Variants in CHD7 observed in about 807,000 individuals in gnomAD.
CHD7 encodes the protein ATP-dependent chromatin remodeler CHD7.
Under a neutral mutation model 307.3 loss-of-function variants are expected in CHD7, and 24 were observed. The observed-to-expected ratio is 0.08, with a 90% confidence interval of 0.06 to 0.11. The LOEUF is 0.11. Among genes scored for constraint, CHD7 ranks in the 10% least tolerant of loss-of-function variants. The probability of loss-of-function intolerance (pLI) is 1.00; values close to 1 mark genes in which losing one functional copy is unlikely to be tolerated. For missense variants in CHD7, 3,106 were observed against 3,727.1 expected, an observed-to-expected ratio of 0.83 and a Z score of 4.34; for synonymous variants, 1,363 against 1,349.9, an observed-to-expected ratio of 1.01 and a Z score of -0.21.
intron 2 of CHD7, among the ~76,000 whole-genome samples, chr8:60,752,113 C>T (rs1461534995): frequency 6.6e-6 from 1 of 152,098 alleles, no homozygotes; most frequent in Non-Finnish European, 1.5e-5. Flanking sequence ...TCATTCTGTA[C>T]CATAGGTTTC....
At chr8:60,680,676 T>G (rs1805578032) in intron 1 of CHD7, among the ~76,000 whole-genome samples, 1 of 152,198 alleles carries the variant, frequency 6.6e-6, no homozygotes, top group South Asian at 2.1e-4. Flanking sequence ...TTTTAGAGAC[T>G]GCTCACGCCT....
rs750511035 is a variant in CHD7 at position 60,741,879 on chromosome 8, T to C, written c.447T>C (p.Ala149=). The change falls in exon 2 of 38, where the codon GCT becomes GCC. Residue 149 remains alanine, a synonymous_variant. Transcript: ENST00000423902. ...GCAGCTCCATGTGGGGCCCCAGGGC[T>C]GTTCAGGTACCAGACCAGATACGAG... ...VDSSSMWGPR[A]VQVPDQIRAP... is the part of the protein sequence containing the mutation. 4.3e-6 allele frequency: 7 copies of C among 1,613,600 alleles called. No homozygotes were observed. The East Asian group carries it at 6.7e-5, about 15-fold the overall frequency.
At chr8:60,700,648 G>A (rs1308481798) in intron 1 of CHD7, among the ~76,000 whole-genome samples, 2 of 152,202 alleles carry the variant, frequency 1.3e-5, no homozygotes, top group African/African-American at 4.8e-5. Flanking sequence ...CAGTCACATG[G>A]TCTGTCAACA....
intron 9 of CHD7, 56 bp from the exon 10 acceptor site, chr8:60,821,734 A>G: frequency 6.9e-7 from 1 of 1,449,456 alleles, no homozygotes; most frequent in Non-Finnish European, 9.4e-7. Flanking sequence ...ATATATATGT[A>G]TATGTATGTA....
In CHD7 at chr8:60,841,888, C is replaced by A. The variant is rs1342840553; in HGVS notation, c.4686C>A (p.Thr1562=). The change falls in exon 21 of 38, where the codon ACC becomes ACA. Residue 1562 remains threonine (T), a synonymous_variant. Coordinates refer to ENST00000423902, the MANE Select transcript of CHD7 (RefSeq NM_017780.4). ...VIDTPRVRKQ[T]RLYSAVKEDE... is the part of the protein sequence containing the mutation. ...ATACTCCAAGAGTGAGAAAGCAGACCAGGCTCTACAGTGCAGTGAAGGAAG... is the reference window on the plus strand; with the variant it reads ...ATACTCCAAGAGTGAGAAAGCAGACAAGGCTCTACAGTGCAGTGAAGGAAG... 3 of 1,609,718 alleles carry A rather than the reference C, an allele frequency of 1.9e-6. No homozygotes were observed. Among genetic ancestry groups the A allele is most frequent in the Non-Finnish European group, 1.7e-6 (2 of 1,177,678 alleles).
In CHD7 at chr8:60,841,977, G is replaced by A. The variant is rs1388750390; in HGVS notation, c.4775G>A (p.Arg1592Gln). 3.1e-6 allele frequency: 5 copies of A among 1,613,728 alleles called. No homozygotes were observed. The highest frequency in any genetic ancestry group is 4.2e-6 in the Non-Finnish European group (5 of 1,179,792). Residue 1592 changes from arginine to glutamine, a missense_variant, in exon 21 of 38, where the codon CGG becomes CAG. By Grantham distance (43) the Arg-to-Gln change is conservative. Coordinates refer to ENST00000423902, the MANE Select transcript of CHD7 (RefSeq NM_017780.4). ...DSEEKPCAKPRRPQDKSQGYA... is the reference protein window; with the variant it reads ...DSEEKPCAKPQRPQDKSQGYA... ...GAAGAAAAGCCCTGTGCAAAGCCAC[G>A]GCGTCCCCAGGATAAGTCACAGGGC... is the stretch of plus-strand genomic sequence containing the variant.
chr8:60,788,954 A>G (rs1039139041), intron 3 of CHD7, among the ~76,000 whole-genome samples: 4 of 152,220 alleles, frequency 2.6e-5, no homozygotes, highest in Non-Finnish European at 5.9e-5. Context: ...TCTATGATGT[A>G]CCAGATTTTA....
At position 60,852,177 on chromosome 8, in the gene CHD7, C is replaced by A. The variant is rs200441929; in HGVS notation, c.5824C>A (p.Arg1942=). The A allele has an allele frequency of 2.5e-6, 4 of 1,613,868 alleles. No homozygotes were observed. The highest frequency in any genetic ancestry group is 1.7e-5 in the Admixed American group (1 of 60,020). Residue 1942 remains arginine, a synonymous_variant, in exon 29 of 38, where the codon CGG becomes AGG. Transcript: ENST00000423902. ...CCTAATGAAGACTGACCGGCGCAGA[C>A]GGCGGCCTCGAGAGGAAGTGAGAGC... ...EALMKTDRRR[R]RPREEVRALE...
chr8:60,696,899 A>C (rs1276273717), intron 1 of CHD7, among the ~76,000 whole-genome samples: 3 of 151,722 alleles, frequency 2.0e-5, no homozygotes, highest in African/African-American at 7.3e-5. Context: ...TTAATCTCAA[A>C]GAAATTTTGT....
At chr8:60,754,404 C>A (rs904975036) in intron 2 of CHD7, among the ~76,000 whole-genome samples, 2 of 152,136 alleles carry the variant, frequency 1.3e-5, no homozygotes, top group Non-Finnish European at 2.9e-5. Flanking sequence ...TGGTATATGC[C>A]CAATAAATGT....
chr8:60,749,370 C>CAAAAAAAA (rs55661758), intron 2 of CHD7, among the ~76,000 whole-genome samples: 2 of 56,296 alleles, frequency 3.6e-5, no homozygotes, highest in Admixed American at 3.2e-4. Context: ...GACTCTGTAT[C>CAAAAAAAA]AAAAAAAAAA....
chr8:60,860,831 T>G, intron 34 of CHD7, 73 bp from the exon 35 acceptor site: 2 of 1,112,316 alleles, frequency 1.8e-6, no homozygotes, highest in South Asian at 3.0e-5. Context: ...TAGGATAGCG[T>G]TTTCTTGAAA....
chr8:60,765,348 G>T (rs530415658), intron 2 of CHD7, among the ~76,000 whole-genome samples: 2 of 151,832 alleles, frequency 1.3e-5, no homozygotes, highest in Middle Eastern at 3.4e-3. Context: ...ACACACACAC[G>T]TATGTATATA....
At chr8:60,725,094 A>T (rs1175553398) in intron 1 of CHD7, among the ~76,000 whole-genome samples, 10 of 152,250 alleles carry the variant, frequency 6.6e-5, no homozygotes, top group Admixed American at 6.5e-4. Context: ...AGTCACAGCG[A>T]TAAGCCCTGG....
intron 2 of CHD7, among the ~76,000 whole-genome samples, chr8:60,756,012 C>T (rs1404670425): frequency 6.6e-6 from 1 of 152,204 alleles, no homozygotes; most frequent in Admixed American, 6.5e-5. Flanking sequence ...CAAATGGCTA[C>T]TGTACCCTTG....
chr8:60,761,298 C>T (rs949302336), intron 2 of CHD7, among the ~76,000 whole-genome samples: 2 of 132,436 alleles, frequency 1.5e-5, no homozygotes, highest in African/African-American at 2.9e-5. Flanking sequence ...ACAATGAGAA[C>T]GCATGGACAC....
chr8:60,848,945 T>A, intron 24 of CHD7, 106 bp from the exon 25 acceptor site: 2 of 911,028 alleles, frequency 2.2e-6, no homozygotes, highest in Non-Finnish European at 3.6e-6. Context: ...CTCCCCACCA[T>A]GCTCAGATGT....
chr8:60,794,266 A>G (rs576471167), intron 3 of CHD7, among the ~76,000 whole-genome samples: 40 of 152,296 alleles, frequency 2.6e-4, no homozygotes, highest in African/African-American at 9.6e-4. Flanking sequence ...TGTCTTATAT[A>G]ATATTCAAAT....
In CHD7 at chr8:60,848,985, TG is replaced by T; in HGVS notation, c.5301-65del. ...CGTGGGAGAGAGGGCATGTGAGCTA[TG>T]TATCACATTCATTACTTGGAATTCT... On this transcript the variant is annotated intron_variant, in intron 24 of 37. Transcript: ENST00000423902. 5 of 1,222,218 alleles carry T rather than the reference TG, an allele frequency of 4.1e-6. No homozygotes were observed. The South Asian group carries it at 6.1e-5, about 15-fold the overall frequency. The allele number at this position is 1,222,218 out of a possible 1,614,324, so 75.7% of individuals were successfully genotyped here.
Sources: allele counts gnomAD v4.1 joint callset (sites outside exome capture counted in the v4.1 genomes callset), GRCh38; gene constraint gnomAD v4.1.1; transcripts MANE v1.5; gene names NCBI Gene and HGNC (gene_info 2026-07-23, HGNC 2026-07-21).